Variants in LDB2 observed in about 807,000 individuals in gnomAD.
LDB2 encodes LIM domain binding 2, also known as LIM domain-binding protein 2.
In LDB2, 12 loss-of-function variants were observed where a neutral mutation model predicts 44.3. That is an observed-to-expected ratio of 0.27 (90% CI 0.17 to 0.44). The LOEUF (loss-of-function observed/expected upper bound fraction) is 0.44, where lower values mean the gene tolerates loss of function less well. LDB2 is among the 20% of genes least tolerant of loss of function. LDB2 has a pLI of 1.00. For synonymous variants in LDB2, 164 were observed against 174.8 expected (o/e 0.94, Z 0.49); for missense variants, 344 against 473.5 (o/e 0.73, Z 2.54).
intron 1 of LDB2, among the ~76,000 whole-genome samples, chr4:16,813,388 G>T (rs1377279164): frequency 6.6e-6 from 1 of 152,124 alleles, no homozygotes; most frequent in Admixed American, 6.6e-5. Context: ...TCTTCAATGA[G>T]AGCCCAATGC....
At chr4:16,827,846 T>C (rs1313025246) in intron 1 of LDB2, among the ~76,000 whole-genome samples, 2 of 152,220 alleles carry the variant, frequency 1.3e-5, no homozygotes, top group Non-Finnish European at 2.9e-5. Flanking sequence ...CCTGGCCAGA[T>C]GACACACTGG....
At chr4:16,675,123 G>C (rs114160561) in intron 2 of LDB2, among the ~76,000 whole-genome samples, 243 of 152,174 alleles carry the variant, frequency 1.6e-3, no homozygotes, top group African/African-American at 5.6e-3. Context: ...TTTAAATGTG[G>C]CTGCAAGAAA....
chr4:16,806,366 T>C (rs74361725), intron 1 of LDB2, among the ~76,000 whole-genome samples: 2,419 of 152,312 alleles, frequency 0.016, 39 homozygotes, highest in East Asian at 0.078. Context: ...TGTATCTTTC[T>C]TTGTGTTCTC....
intron 5 of LDB2, among the ~76,000 whole-genome samples, chr4:16,577,302 C>T (rs367631172): frequency 2.6e-5 from 4 of 151,934 alleles, no homozygotes; most frequent in African/African-American, 7.2e-5. Flanking sequence ...CCTTGTTTGT[C>T]AATAACATCT....
intron 2 of LDB2, among the ~76,000 whole-genome samples, chr4:16,690,832 T>G (rs370854172): frequency 6.6e-6 from 1 of 152,112 alleles, no homozygotes; most frequent in African/African-American, 2.4e-5. Flanking sequence ...AACCTTAAAC[T>G]CCATTGTTGA....
Position 16,888,629 on chromosome 4 carries a change from T to C in LDB2, c.132+9725A>G, listed in dbSNP as rs115451977. On this transcript the variant is annotated intron_variant, in intron 1 of 7. Transcript: ENST00000304523. ...TAGTGCAGGCATGTAAAAAGTATTT[T>C]TAAAGATACTTTTAAGAAATGAAGC... 3.8e-3 allele frequency: 2,897 copies of C among 766,050 alleles called. 76 individuals carry two copies. In the African/African-American group the frequency reaches 0.052, roughly 14 times the overall value. 47.5% of individuals were successfully genotyped at this position (766,050 alleles called of 1,614,324 possible).
intron 2 of LDB2, among the ~76,000 whole-genome samples, chr4:16,742,103 C>T (rs1763398463): frequency 7.9e-6 from 1 of 127,122 alleles, no homozygotes; most frequent in South Asian, 2.4e-4. Flanking sequence ...GAGAGTGTCT[C>T]ACTCTGTTGC....
chr4:16,656,067 T>C (rs571497021), intron 2 of LDB2, among the ~76,000 whole-genome samples: 3 of 151,886 alleles, frequency 2.0e-5, no homozygotes, highest in South Asian at 2.1e-4. Context: ...GCCCGGCTAA[T>C]TTTTTGTATT....
intron 2 of LDB2, among the ~76,000 whole-genome samples, chr4:16,685,213 G>A (rs1748918634): frequency 6.6e-6 from 1 of 152,200 alleles, no homozygotes; most frequent in South Asian, 2.1e-4. Flanking sequence ...CTAATGAGCA[G>A]AGCTTGAGTC....
chr4:16,809,046 TG>T (rs1779295068), intron 1 of LDB2, among the ~76,000 whole-genome samples: 1 of 152,220 alleles, frequency 6.6e-6, no homozygotes, highest in African/African-American at 2.4e-5. Context: ...TTTTTAAACA[TG>T]GGCATGTATC....
chr4:16,763,766 C>T (rs978183194), intron 1 of LDB2, among the ~76,000 whole-genome samples: 2 of 152,172 alleles, frequency 1.3e-5, no homozygotes, highest in African/African-American at 2.4e-5. Flanking sequence ...TTATAGAGAA[C>T]TTATGTCCTT....
chr4:16,589,994 A>C (rs1718348104), intron 3 of LDB2, among the ~76,000 whole-genome samples: 1 of 152,188 alleles, frequency 6.6e-6, no homozygotes, highest in Non-Finnish European at 1.5e-5. Context: ...GCTACCTGGA[A>C]TTGTGCCTGG....
chr4:16,891,090 T>C (rs1208023810), intron 1 of LDB2, among the ~76,000 whole-genome samples: 1 of 152,176 alleles, frequency 6.6e-6, no homozygotes, highest in Non-Finnish European at 1.5e-5. Context: ...TTTTGGTTAT[T>C]GTTTCCACCA....
chr4:16,733,717 C>G (rs1292338142), intron 2 of LDB2, among the ~76,000 whole-genome samples: 1 of 152,170 alleles, frequency 6.6e-6, no homozygotes, highest in African/African-American at 2.4e-5. Context: ...CTGAGCACAG[C>G]CTTGTGATAC....
chr4:16,706,019 T>C (rs1455413244), intron 2 of LDB2, among the ~76,000 whole-genome samples: 1 of 152,184 alleles, frequency 6.6e-6, no homozygotes, highest in Non-Finnish European at 1.5e-5. Flanking sequence ...GCCCAGAGGC[T>C]AGTTTTCAAA....
At chr4:16,545,033 C>T (rs1735222535) in intron 5 of LDB2, among the ~76,000 whole-genome samples, 2 of 152,004 alleles carry the variant, frequency 1.3e-5, no homozygotes, top group South Asian at 2.1e-4. Flanking sequence ...GCATGATGCC[C>T]ATACACGAAG....
intron 1 of LDB2, among the ~76,000 whole-genome samples, chr4:16,800,233 T>C (rs1777543265): frequency 6.6e-6 from 1 of 152,234 alleles, no homozygotes; most frequent in Admixed American, 6.5e-5. Context: ...CCACCATATG[T>C]TGTCTTTGAG....
At chr4:16,797,402 G>A (rs575584456) in intron 1 of LDB2, among the ~76,000 whole-genome samples, 7 of 152,196 alleles carry the variant, frequency 4.6e-5, no homozygotes, top group African/African-American at 1.7e-4. Context: ...TGGGGAAAAT[G>A]GGCACAGCAT....
At chr4:16,611,995 G>A (rs760383097) in intron 2 of LDB2, among the ~76,000 whole-genome samples, 52 of 151,910 alleles carry the variant, frequency 3.4e-4, no homozygotes, top group Admixed American at 1.3e-3. Context: ...GCAAAAGAAC[G>A]GAAATAATAA....
Sources: allele counts gnomAD v4.1 joint callset (sites outside exome capture counted in the v4.1 genomes callset), GRCh38; gene constraint gnomAD v4.1.1; transcripts MANE v1.5; gene names NCBI Gene and HGNC (gene_info 2026-07-23, HGNC 2026-07-21).